The following SH2B3 variants were observed in gnomAD, a reference collection of about 807,000 sequenced individuals.
The protein encoded by SH2B3 is SH2B adaptor protein 3, also known as SH2B adapter protein 3.
SH2B3 carries 43 observed loss-of-function variants against 51.9 expected under a neutral mutation model. The observed-to-expected ratio is 0.83, with a 90% CI of 0.65 to 1.07. The LOEUF (loss-of-function observed/expected upper bound fraction) is 1.07, where lower values mean the gene tolerates loss of function less well. Ranked by LOEUF, SH2B3 falls within the 50% of genes least tolerant of loss-of-function variation. SH2B3 has a pLI of 0.00. For synonymous variants in SH2B3, 396 were observed against 376.0 expected (o/e 1.05, Z -0.62); for missense variants, 952 against 834.3 (o/e 1.14, Z -1.74).
intron 2 of SH2B3, among the ~76,000 whole-genome samples, chr12:111,446,236 C>T (rs572505334): frequency 6.6e-6 from 1 of 152,356 alleles, no homozygotes; most frequent in Admixed American, 6.5e-5. Flanking sequence ...GACCTGGGAG[C>T]AGGTTTCCTG....
intron 6 of SH2B3, 21 bp from the exon 7 acceptor site, chr12:111,447,635 C>T: frequency 6.2e-7 from 1 of 1,609,292 alleles, no homozygotes; most frequent in Non-Finnish European, 8.5e-7. Context: ...AGCCCGAGCC[C>T]ACCATCCTCT....
At chr12:111,414,412 T>C (rs1870925984) in intron 1 of SH2B3, among the ~76,000 whole-genome samples, 1 of 151,884 alleles carries the variant, frequency 6.6e-6, no homozygotes, top group South Asian at 2.1e-4. Flanking sequence ...GGCAACATAG[T>C]GAGACCCCAT....
chr12:111,423,295 C>T (rs1871706953), intron 2 of SH2B3, among the ~76,000 whole-genome samples: 1 of 152,214 alleles, frequency 6.6e-6, no homozygotes, highest in Non-Finnish European at 1.5e-5. Context: ...AATCTCAAGG[C>T]TGTGACACCA....
In SH2B3 at chr12:111,448,003, T is replaced by C; in HGVS notation, c.1429T>C (p.Phe477Leu). ...CCTAGGTTCCTGCAACACGGTCCTC[T>C]TCCCTTTCTCCCTTCCTCACTGGGA... ...QPPGSCNTVL[F>L]PFSLPHWDSE... is the part of the protein sequence containing the mutation. Residue 477 changes from phenylalanine to leucine, a missense_variant, in exon 8 of 8, where the codon TTC (phenylalanine) becomes CTC (leucine). Phe to Leu is a conservative substitution (Grantham distance 22). Coordinates refer to ENST00000341259, the MANE Select transcript of SH2B3 (RefSeq NM_005475.3). 1 of 1,612,002 alleles carries C rather than the reference T, an allele frequency of 6.2e-7. No homozygotes were observed.
upstream of SH2B3, among the ~76,000 whole-genome samples, chr12:111,405,774 C>T (rs974278790): frequency 6.6e-6 from 1 of 152,066 alleles, no homozygotes; most frequent in African/African-American, 2.4e-5. This position sits in a 1 kb window ranked among gnomAD's most constrained non-coding sequence, Gnocchi z 5.4. Context: ...GGGGCCAGTC[C>T]GGGCTCCGCC....
In SH2B3 at chr12:111,418,306, A is replaced by G. The variant is rs768994046; in HGVS notation, c.161A>G (p.Gln54Arg). Residue 54 changes from glutamine to arginine, a missense_variant, in exon 2 of 8, where the codon CAG (glutamine) becomes CGG (arginine). Transcript: ENST00000341259. This position sits in a 1 kb window ranked among gnomAD's most constrained non-coding sequence, Gnocchi z 6.7. ...QYWLFAREHP[Q>R]HAPLRAELVS... ...TGGCTGTTCGCCCGGGAGCATCCGC[A>G]GCACGCGCCGCTGCGCGCCGAGCTG... 2.6e-6 allele frequency: 4 copies of G among 1,531,030 alleles called. No individual in the cohort carries two copies. In the African/African-American group the frequency reaches 4.2e-5, roughly 16 times the overall value. The allele number at this position is 1,531,030 out of a possible 1,614,324, so 94.8% of individuals were successfully genotyped here.
At chr12:111,446,489 GGGAA>G (rs1873969265) in intron 2 of SH2B3, among the ~76,000 whole-genome samples, 2 of 152,324 alleles carry the variant, frequency 1.3e-5, no homozygotes. Context: ...ATGGCAGAGT[GGGAA>G]TGTCTCCAAG....
chr12:111,423,193 G>A (rs1379977324), intron 2 of SH2B3, among the ~76,000 whole-genome samples: 1 of 152,132 alleles, frequency 6.6e-6, no homozygotes. Context: ...CACTGGGAAC[G>A]GGAGGACTTA....
Position 111,448,232 on chromosome 12 carries a change from CG to C in SH2B3, c.1660del (p.Asp554ThrfsTer15), listed in dbSNP as rs781056544. 2 of 1,614,162 alleles carry C rather than the reference CG, an allele frequency of 1.2e-6. No homozygotes were observed. ...GAGCCTGTGAATCGAGCCCGGGACT[CG>C]GACTACGAAATGGACTCATCCTCCC... is the stretch of plus-strand genomic sequence containing the variant. ...EHEPVNRARDSDYEMDSSSRS... is the reference protein window; with the variant it reads ...EHEPVNRARDXDYEMDSSSRS... On this transcript the variant is annotated frameshift_variant, in exon 8 of 8. Transcript: ENST00000341259. LOFTEE classifies it high-confidence loss of function.
Position 111,418,241 on chromosome 12 carries a change from G to A in SH2B3, c.96G>A (p.Leu32=), listed in dbSNP as rs1361522871. 1 of 1,554,978 alleles carries A rather than the reference G, an allele frequency of 6.4e-7. No homozygotes were observed. ...GGGGCTGGAGCGAGTTCTGTGAGTT[G>A]CACGCCGTAGCGGCGGCCCGGGAGC... is the stretch of plus-strand genomic sequence containing the variant. The part of the protein sequence containing the change: ...APRGWSEFCE[L]HAVAAARELA... The change falls in exon 2 of 8, where the codon TTG becomes TTA. Residue 32 remains leucine (L), a synonymous_variant. Coordinates refer to ENST00000341259, the MANE Select transcript of SH2B3 (RefSeq NM_005475.3). This position sits in a 1 kb window ranked among gnomAD's most constrained non-coding sequence, Gnocchi z 6.7.
chr12:111,445,527 C>T lies in SH2B3; in HGVS notation c.733-1226C>T, dbSNP rs114983424. Among the ~76,000 whole-genome samples, 1,393 of 152,328 alleles carry T rather than the reference C, an allele frequency of 9.1e-3. 21 individuals carry two copies. The highest frequency in any genetic ancestry group is 0.032 in the African/African-American group (1,332 of 41,568). On this transcript the variant is annotated intron_variant, in intron 2 of 7. Coordinates refer to ENST00000341259, the MANE Select transcript of SH2B3 (RefSeq NM_005475.3). ...CCTGGCTGGTGCTGGTCACTTCAGGCTGGAATTTTCTAGTCATGCAGCTTT... is the reference window on the plus strand; with the variant it reads ...CCTGGCTGGTGCTGGTCACTTCAGGTTGGAATTTTCTAGTCATGCAGCTTT...
At chr12:111,440,321 TCTC>T (rs1191433212) in intron 2 of SH2B3, among the ~76,000 whole-genome samples, 3 of 152,194 alleles carry the variant, frequency 2.0e-5, no homozygotes, top group East Asian at 3.8e-4. Flanking sequence ...TGGTGAGGCT[TCTC>T]CTTCATAAAT....
At chr12:111,425,574 T>G (rs1009718367) in intron 2 of SH2B3, among the ~76,000 whole-genome samples, 6 of 151,940 alleles carry the variant, frequency 3.9e-5, no homozygotes, top group African/African-American at 1.2e-4. Context: ...ACTACAAAGG[T>G]AGTGGAGCTG....
At chr12:111,436,756 A>C (rs940689172) in intron 2 of SH2B3, among the ~76,000 whole-genome samples, 4 of 151,590 alleles carry the variant, frequency 2.6e-5, no homozygotes, top group African/African-American at 7.3e-5. Flanking sequence ...TGTCTCTCTG[A>C]GAGGGGGCTT....
intron 2 of SH2B3, among the ~76,000 whole-genome samples, chr12:111,420,367 CAA>C (rs59301682): frequency 2.8e-4 from 18 of 64,452 alleles, no homozygotes; most frequent in Admixed American, 3.7e-4. Flanking sequence ...GACCCTGTCT[CAA>C]AAAAAAAAAA....
chr12:111,433,153 A>G (rs1007141979), intron 2 of SH2B3, among the ~76,000 whole-genome samples: 11 of 152,204 alleles, frequency 7.2e-5, no homozygotes, highest in African/African-American at 2.7e-4. Context: ...GGAGTTTGAG[A>G]CCAGCCTGGC....
rs1593065485 is a variant in SH2B3, at chr12:111,438,642, AAG to A, written c.733-8110_733-8109del. On this transcript the variant is annotated intron_variant, in intron 2 of 7. Coordinates refer to ENST00000341259, the MANE Select transcript of SH2B3 (RefSeq NM_005475.3). The surrounding 1 kb of genome is among the most constrained non-coding windows in gnomAD (Gnocchi z 4.2). ...CCAAGGACACCACGTGAGCAAAGCC[AAG>A]TCACGGCAGAGACCTGCATCAAGGA... Among the ~76,000 whole-genome samples, 2 of 152,350 alleles carry A rather than the reference AAG, an allele frequency of 1.3e-5. No individual in the cohort carries two copies. Among genetic ancestry groups the A allele is most frequent in the East Asian group, 3.9e-4 (2 of 5,178 alleles).
In SH2B3 at chr12:111,411,269, GC is replaced by G. The variant is rs368488238; in HGVS notation, c.-28+4993del. On this transcript the variant is annotated intron_variant, in intron 1 of 7. Coordinates refer to ENST00000341259, the MANE Select transcript of SH2B3 (RefSeq NM_005475.3). ...GTGGTCCCAGATACTTGGAAGGACT[GC>G]TTAAACCCACAAGGTCATGGTTGCA... 2.1e-3 allele frequency among the ~76,000 whole-genome samples: 309 copies of G among 150,574 alleles called. 2 individuals are homozygous for G. Among genetic ancestry groups the G allele is most frequent in the African/African-American group, 7.2e-3 (295 of 40,840 alleles).
chr12:111,447,791 C>T lies in SH2B3; in HGVS notation c.1372C>T (p.Leu458Phe). Residue 458 changes from leucine to phenylalanine, a missense_variant, in exon 7 of 8, where the codon CTC becomes TTC. Transcript: ENST00000341259. ...GTGCGGCGCCGCCTGTGATGTCCGG[C>T]TCTCCAGCTACGTGGTAGTCGTCTC... is the stretch of plus-strand genomic sequence containing the variant. ...LECGAACDVRLSSYVVVVSQP... is the reference protein window; with the variant it reads ...LECGAACDVRFSSYVVVVSQP... 2 of 1,614,168 alleles carry T rather than the reference C, an allele frequency of 1.2e-6. No individual in the cohort carries two copies. Among genetic ancestry groups the T allele is most frequent in the Non-Finnish European group, 1.7e-6 (2 of 1,180,016 alleles).
Sources: allele counts gnomAD v4.1 joint callset (sites outside exome capture counted in the v4.1 genomes callset), GRCh38; gene constraint gnomAD v4.1.1; non-coding constraint Gnocchi (gnomAD v3.1); transcripts MANE v1.5; gene names NCBI Gene and HGNC (gene_info 2026-07-23, HGNC 2026-07-21).